Variants in LGR4 observed in about 807,000 individuals in gnomAD.
LGR4 encodes leucine-rich repeat-containing G protein-coupled receptor 4.
In LGR4, 44 loss-of-function variants were observed where a neutral mutation model predicts 84.8. That is an observed-to-expected ratio of 0.52 (90% CI 0.41 to 0.67). LGR4 has a LOEUF of 0.67. LGR4 is among the 30% of genes least tolerant of loss of function. LGR4 has a pLI of 0.00. For synonymous variants in LGR4, 429 were observed against 434.3 expected, an observed-to-expected ratio of 0.99 and a Z score of 0.15; for missense variants, 1,032 against 1,131.4, an observed-to-expected ratio of 0.91 and a Z score of 1.26.
At chr11:27,467,566 C>CAAAAAAAAAAAAAAAAAAAAAAAAAAAAA (rs761925670) in intron 1 of LGR4, among the ~76,000 whole-genome samples, 7 of 51,858 alleles carry the variant, frequency 1.3e-4, no homozygotes, top group African/African-American at 3.6e-4. Flanking sequence ...GAGTCCGTCT[C>CAAAAAAAAAAAAAAAAAAAAAAAAAAAAA]AAAAAAAAAA....
At chr11:27,452,623 GTT>G (rs557477166) in intron 1 of LGR4, among the ~76,000 whole-genome samples, 318 of 119,294 alleles carry the variant, frequency 2.7e-3, no homozygotes, top group African/African-American at 9.8e-3. Flanking sequence ...AACTTTTTGA[GTT>G]TTTTTTTTTT....
At chr11:27,377,013 G>A (rs1590345138) in intron 12 of LGR4, 145 bp downstream of exon 12, 2 of 523,310 alleles carry the variant, frequency 3.8e-6, no homozygotes, top group East Asian at 6.6e-5. Context: ...AACACATCTG[G>A]TTCAATTTGA....
Position 27,384,335 on chromosome 11 carries a change from C to T in LGR4, c.689+1G>A. ...GTTGCCCAAAATATGAATATACTTA[C>T]AAGGTCTCCAGGTTATCTAGTCCAT... is the stretch of plus-strand genomic sequence containing the variant. On this transcript the variant is annotated splice_donor_variant, in intron 6 of 17. Transcript: ENST00000379214. LOFTEE classifies it high-confidence loss of function. 2 of 1,589,022 alleles carry T rather than the reference C, an allele frequency of 1.3e-6. No individual in the cohort carries two copies. The highest frequency in any genetic ancestry group is 1.7e-6 in the Non-Finnish European group (2 of 1,158,664).
rs1863081085 is a variant in LGR4, at chr11:27,380,924, T to C, written c.801A>G (p.Ala267=). Residue 267 remains alanine (A), a synonymous_variant, in exon 8 of 18, where the codon GCA becomes GCG. Transcript: ENST00000379214. ...SNSISVIPDG[A]FDGNPLLRTI... is the part of the protein sequence containing the mutation. ...TTCTTAAGAGTGGATTACCATCAAA[T>C]GCTCCATCAGGGATAACAGAAATAG... 6.4e-7 allele frequency: 1 copy of C among 1,559,036 alleles called. No homozygotes were observed. Among genetic ancestry groups the C allele is most frequent in the African/African-American group, 1.4e-5 (1 of 73,700 alleles).
At position 27,412,870 on chromosome 11, in the gene LGR4, G is replaced by A. The variant is rs569816648; in HGVS notation, c.186-10C>T. On this transcript the variant is annotated splice_polypyrimidine_tract_variant and intron_variant, in intron 1 of 17. Transcript: ENST00000379214. ...GTTCATACTGATATCCCTGGAAAACGTAAAGTTAAGAATATTGTTAATTAA... is the reference window on the plus strand; with the variant it reads ...GTTCATACTGATATCCCTGGAAAACATAAAGTTAAGAATATTGTTAATTAA... The A allele has an allele frequency of 1.2e-5, 18 of 1,560,580 alleles. No homozygotes were observed. Among genetic ancestry groups the A allele is most frequent in the African/African-American group, 9.5e-5 (7 of 73,902 alleles).
chr11:27,425,023 T>C (rs555061055), intron 1 of LGR4, among the ~76,000 whole-genome samples: 2 of 152,254 alleles, frequency 1.3e-5, no homozygotes, highest in African/African-American at 2.4e-5. Context: ...GCTGGGATTA[T>C]AGGCGTGAGA....
intron 2 of LGR4, among the ~76,000 whole-genome samples, chr11:27,412,306 C>T (rs79395386): frequency 3.9e-5 from 6 of 152,136 alleles, no homozygotes; most frequent in Admixed American, 3.3e-4. Flanking sequence ...CATGCCTTCA[C>T]CCCATTTCCA....
intron 2 of LGR4, among the ~76,000 whole-genome samples, chr11:27,401,338 C>T (rs895988080): frequency 3.3e-5 from 5 of 152,110 alleles, no homozygotes; most frequent in African/African-American, 7.2e-5. Flanking sequence ...CCGAATTGGC[C>T]TTTGCGTCTC....
chr11:27,472,520 A>G lies in LGR4; in HGVS notation c.-218T>C. The G allele has an allele frequency of 2.6e-6, 1 of 388,704 alleles. No individual in the cohort carries two copies. Among genetic ancestry groups the G allele is most frequent in the Admixed American group, 4.5e-5 (1 of 22,210 alleles). The allele number at this position is 388,704 out of a possible 1,614,324, so 24.1% of individuals were successfully genotyped here. A position where few individuals can be genotyped will look rare whatever the true frequency, so the allele number is the denominator to read the frequency against. On this transcript the variant is annotated 5_prime_UTR_variant, in exon 1 of 18. Transcript: ENST00000379214. ...CCTTCCCGCTGCTCCATGGACGCGC[A>G]GAGGCAGCCCCGCTCCTCCGGCGGC...
intron 11 of LGR4, among the ~76,000 whole-genome samples, 160 bp downstream of exon 11, chr11:27,378,537 C>G (rs1863032444): frequency 6.6e-6 from 1 of 152,162 alleles, no homozygotes; most frequent in Non-Finnish European, 1.5e-5. Context: ...ATGCACATTA[C>G]CCACCCTGGA....
rs1445071298 is a variant in LGR4 at position 27,366,112 on chromosome 11, AAC to A, written c.*1753_*1754del. On this transcript the variant is annotated 3_prime_UTR_variant, in exon 18 of 18. Transcript: ENST00000379214. ...TTTCAATAACCTGAATTTTGGAAAAAACCTTTTAATTAGGAGTTTCTTACCAA... is the reference window on the plus strand; with the variant it reads ...TTTCAATAACCTGAATTTTGGAAAAACTTTTAATTAGGAGTTTCTTACCAA... 6.6e-6 allele frequency: 1 copy of A among 152,554 alleles called. No homozygotes were observed. The highest frequency in any genetic ancestry group is 1.5e-5 in the Non-Finnish European group (1 of 67,974). 9.5% of individuals were successfully genotyped at this position (152,554 alleles called of 1,614,324 possible). A position where few individuals can be genotyped will look rare whatever the true frequency, so the allele number is the denominator to read the frequency against.
In LGR4 at chr11:27,412,985, T is replaced by A. The variant is rs574373522; in HGVS notation, c.186-125A>T. The A allele has an allele frequency of 5.0e-5, 33 of 661,542 alleles. No individual in the cohort carries two copies. In the African/African-American group the frequency reaches 5.5e-4, roughly 11 times the overall value. 41.0% of individuals were successfully genotyped at this position (661,542 alleles called of 1,614,324 possible). Reference sequence around the variant, plus strand: ...GAGCATAGAAGACACATAGAAACAGTCACAATTTGGCTTCAGAATGCAATA... The same window carrying A: ...GAGCATAGAAGACACATAGAAACAGACACAATTTGGCTTCAGAATGCAATA... On this transcript the variant is annotated intron_variant, in intron 1 of 17. Coordinates refer to ENST00000379214, the MANE Select transcript of LGR4 (RefSeq NM_018490.5).
chr11:27,447,214 G>A (rs1266578813), intron 1 of LGR4, among the ~76,000 whole-genome samples: 3 of 152,024 alleles, frequency 2.0e-5, no homozygotes, highest in East Asian at 1.9e-4. Context: ...GCTTACAAAC[G>A]ATTCTGAGCA....
chr11:27,438,809 C>T (rs1222695884), intron 1 of LGR4, among the ~76,000 whole-genome samples: 1 of 152,186 alleles, frequency 6.6e-6, no homozygotes, highest in Non-Finnish European at 1.5e-5. Context: ...GCTCTCAGGC[C>T]TTCAGACTCT....
At chr11:27,392,352 T>C (rs1422194515) in intron 3 of LGR4, 95 bp downstream of exon 3, 20 of 989,436 alleles carry the variant, frequency 2.0e-5, no homozygotes, top group Admixed American at 6.4e-5. Context: ...AATCCTGAAC[T>C]AAAAGAAACT....
intron 1 of LGR4, among the ~76,000 whole-genome samples, chr11:27,456,042 C>G (rs1250901855): frequency 6.6e-6 from 1 of 152,140 alleles, no homozygotes; most frequent in Non-Finnish European, 1.5e-5. Flanking sequence ...AATGGCAGGA[C>G]AGACCAGAGA....
At chr11:27,391,827 T>C (rs373389828) in intron 3 of LGR4, among the ~76,000 whole-genome samples, 1 of 152,156 alleles carries the variant, frequency 6.6e-6, no homozygotes, top group East Asian at 1.9e-4. Flanking sequence ...ACGTGAGTCA[T>C]AACCACAGAA....
chr11:27,438,346 A>G (rs1864247326), intron 1 of LGR4, among the ~76,000 whole-genome samples: 1 of 152,238 alleles, frequency 6.6e-6, no homozygotes, highest in South Asian at 2.1e-4. Flanking sequence ...GTTCTCAACC[A>G]GGGGTGATCT....
chr11:27,465,781 G>C (rs941333866), intron 1 of LGR4, among the ~76,000 whole-genome samples: 1 of 152,196 alleles, frequency 6.6e-6, no homozygotes, highest in Non-Finnish European at 1.5e-5. Context: ...GTGACCATCA[G>C]GTGCTGAAAG....
Sources: allele counts gnomAD v4.1 joint callset (sites outside exome capture counted in the v4.1 genomes callset), GRCh38; gene constraint gnomAD v4.1.1; transcripts MANE v1.5; gene names NCBI Gene and HGNC (gene_info 2026-07-23, HGNC 2026-07-21).